Variants in NR3C2 observed in about 807,000 individuals in gnomAD.
NR3C2 encodes the protein mineralocorticoid receptor.
A neutral mutation model predicts 86.4 loss-of-function variants in NR3C2; 15 were observed. That is an observed-to-expected ratio of 0.17 (90% CI 0.12 to 0.27). The LOEUF is 0.27. NR3C2 is among the 10% of genes least tolerant of loss of function. NR3C2 has a pLI of 1.00. For missense variants in NR3C2, 960 were observed against 1,195.6 expected (o/e 0.80, Z 2.91); for synonymous variants, 458 against 450.5 (o/e 1.02, Z -0.21).
chr4:148,360,314 ATGTGCT>A (rs1224358517), intron 2 of NR3C2, among the ~76,000 whole-genome samples: 1 of 152,198 alleles, frequency 6.6e-6, no homozygotes, highest in African/African-American at 2.4e-5. Flanking sequence ...ACATGACACT[ATGTGCT>A]TTCTGCTTTC....
intron 2 of NR3C2, among the ~76,000 whole-genome samples, chr4:148,310,113 A>G (rs1023649308): frequency 1.3e-5 from 2 of 152,248 alleles, no homozygotes; most frequent in Non-Finnish European, 2.9e-5. Flanking sequence ...GAAAATTAAC[A>G]GAAAACTTTT....
intron 4 of NR3C2, among the ~76,000 whole-genome samples, chr4:148,162,942 A>C (rs1402912312): frequency 2.0e-5 from 3 of 152,220 alleles, no homozygotes; most frequent in Non-Finnish European, 4.4e-5. Context: ...TGAAAGAAAA[A>C]AAGGTAGAAA....
intron 2 of NR3C2, among the ~76,000 whole-genome samples, chr4:148,331,960 G>C (rs1446646757): frequency 6.6e-6 from 1 of 152,102 alleles, no homozygotes; most frequent in East Asian, 1.9e-4. Context: ...AATTCTAAAA[G>C]TTTGATGGTT....
At chr4:148,225,681 T>C (rs1325081432) in intron 3 of NR3C2, among the ~76,000 whole-genome samples, 1 of 152,176 alleles carries the variant, frequency 6.6e-6, no homozygotes, top group African/African-American at 2.4e-5. Flanking sequence ...TCTGTACTAG[T>C]AATGGAGTTA....
At chr4:148,096,971 T>G (rs960418429) in intron 8 of NR3C2, among the ~76,000 whole-genome samples, 1 of 152,226 alleles carries the variant, frequency 6.6e-6, no homozygotes, top group Non-Finnish European at 1.5e-5. Flanking sequence ...TTAAAATATA[T>G]AAATCAAGTA....
chr4:148,299,325 C>G (rs77428049), intron 2 of NR3C2, among the ~76,000 whole-genome samples: 9,386 of 152,080 alleles, frequency 0.062, 425 homozygotes, highest in Non-Finnish European at 0.092. Flanking sequence ...GCTTTTTGTC[C>G]TTGGACTTCT....
chr4:148,285,168 A>T (rs1392975263), intron 2 of NR3C2, among the ~76,000 whole-genome samples: 1 of 152,182 alleles, frequency 6.6e-6, no homozygotes, highest in Non-Finnish European at 1.5e-5. Context: ...GGGGTCTCAT[A>T]AGAATATTTT....
intron 8 of NR3C2, among the ~76,000 whole-genome samples, chr4:148,107,778 T>G (rs1309435927): frequency 2.0e-5 from 3 of 152,014 alleles, no homozygotes; most frequent in Non-Finnish European, 2.9e-5. Flanking sequence ...TTCTCACTCA[T>G]AAGTGGGAGG....
At chr4:148,124,280 A>C (rs770720968) in intron 6 of NR3C2, among the ~76,000 whole-genome samples, 15 of 148,552 alleles carry the variant, frequency 1.0e-4, no homozygotes, top group Non-Finnish European at 2.2e-4. Context: ...TTCATGTCTC[A>C]CATCTTTTGG....
At chr4:148,378,380 CAA>C (rs372658464) in intron 2 of NR3C2, among the ~76,000 whole-genome samples, 15 of 143,716 alleles carry the variant, frequency 1.0e-4, no homozygotes, top group Admixed American at 1.4e-4. Context: ...CCACCTCCAC[CAA>C]AAAAAAAAAA....
At chr4:148,307,162 TA>T (rs1742670437) in intron 2 of NR3C2, among the ~76,000 whole-genome samples, 2 of 63,706 alleles carry the variant, frequency 3.1e-5, no homozygotes, top group Non-Finnish European at 3.4e-5. Context: ...ATTATTAGGT[TA>T]AAAATGCAAA....
chr4:148,437,981 C>T (rs1030798611), intron 1 of NR3C2, among the ~76,000 whole-genome samples: 33 of 152,164 alleles, frequency 2.2e-4, no homozygotes, highest in African/African-American at 7.0e-4. Flanking sequence ...TGCAGTATTG[C>T]AAGCTTCTTG....
chr4:148,120,126 T>A, intron 7 of NR3C2, 32 bp downstream of exon 7: 1 of 1,613,582 alleles, frequency 6.2e-7, no homozygotes, highest in Non-Finnish European at 8.5e-7. Context: ...TCTGGTAATA[T>A]AGAAACAGTG....
chr4:148,117,881 C>T (rs1187049333), intron 7 of NR3C2, among the ~76,000 whole-genome samples: 1 of 152,204 alleles, frequency 6.6e-6, no homozygotes, highest in African/African-American at 2.4e-5. Flanking sequence ...ATGGCAAGGG[C>T]TGGGCACAGA....
chr4:148,272,470 G>A (rs1021921303), intron 2 of NR3C2, among the ~76,000 whole-genome samples: 3 of 152,108 alleles, frequency 2.0e-5, no homozygotes, highest in African/African-American at 7.2e-5. Context: ...TGGTGTGTGT[G>A]TATAAGTGTG....
chr4:148,245,358 G>A (rs1388314814), intron 3 of NR3C2, among the ~76,000 whole-genome samples: 1 of 152,132 alleles, frequency 6.6e-6, no homozygotes, highest in Admixed American at 6.5e-5. Context: ...GGCCAGGAGT[G>A]TCACATGATG....
intron 2 of NR3C2, among the ~76,000 whole-genome samples, chr4:148,342,774 T>C (rs1280737636): frequency 2.0e-5 from 3 of 152,174 alleles, no homozygotes; most frequent in Admixed American, 1.3e-4. Flanking sequence ...AATCTCACCA[T>C]TTTTATAACA....
chr4:148,233,918 C>T (rs1231607258), intron 3 of NR3C2, among the ~76,000 whole-genome samples: 1 of 152,132 alleles, frequency 6.6e-6, no homozygotes, highest in Non-Finnish European at 1.5e-5. Context: ...GAAGTGAGCA[C>T]ATGCTGTTGG....
chr4:148,259,373 G>A (rs932288811), intron 3 of NR3C2, among the ~76,000 whole-genome samples: 1 of 152,190 alleles, frequency 6.6e-6, no homozygotes, highest in Non-Finnish European at 1.5e-5. Context: ...TCTCCTTAAG[G>A]AGTACGATTT....
Sources: gnomAD v4.1 joint callset for allele counts (sites outside exome capture counted in the v4.1 genomes callset) on GRCh38, gnomAD v4.1.1 for gene constraint, MANE v1.5 for transcripts, NCBI Gene and HGNC (gene_info 2026-07-23, HGNC 2026-07-21) for gene names.